The following FBXO4 variants were observed in gnomAD, a reference collection of about 807,000 sequenced individuals.
FBXO4 encodes the protein F-box protein 4, also known as F-box only protein 4.
Under a neutral mutation model 43.7 loss-of-function variants are expected in FBXO4, and 36 were observed. That is an observed-to-expected ratio of 0.82 (90% CI 0.63 to 1.09). The LOEUF is 1.09. FBXO4 is among the 50% of genes least tolerant of loss of function. The probability of loss-of-function intolerance (pLI) is 0.00; values close to 1 mark genes in which losing one functional copy is unlikely to be tolerated. For synonymous variants in FBXO4, 180 were observed against 165.6 expected (o/e 1.09, Z -0.67); for missense variants, 435 against 474.1 (o/e 0.92, Z 0.77).
chr5:41,960,001 T>A, the FBXO4 span, among the ~76,000 whole-genome samples: 1 of 152,030 alleles, frequency 6.6e-6, no homozygotes, highest in East Asian at 1.9e-4. Flanking sequence ...ACATGGGATA[T>A]CTTTTTATTT....
chr5:42,017,013 A>G, the FBXO4 span, among the ~76,000 whole-genome samples: 16 of 152,052 alleles, frequency 1.1e-4, no homozygotes, highest in Admixed American at 2.0e-4. Context: ...GTTTTAGATG[A>G]TATTAGTCTT....
the FBXO4 span, among the ~76,000 whole-genome samples, chr5:41,997,615 G>A: frequency 6.6e-6 from 1 of 152,214 alleles, no homozygotes; most frequent in South Asian, 2.1e-4. Flanking sequence ...TTGTAAGTTG[G>A]ACCTGAGCTA....
the FBXO4 span, among the ~76,000 whole-genome samples, chr5:42,013,453 T>A: frequency 6.6e-6 from 1 of 152,330 alleles, no homozygotes; most frequent in South Asian, 2.1e-4. Flanking sequence ...GCTAATATTT[T>A]TATCAAGTTA....
chr5:41,929,191 T>C (rs1353802510), intron 2 of FBXO4, among the ~76,000 whole-genome samples: 1 of 152,232 alleles, frequency 6.6e-6, no homozygotes, highest in Admixed American at 6.5e-5. Flanking sequence ...CTTGGCACTA[T>C]TGACATTTTG....
At chr5:42,005,241 A>G in the FBXO4 span, among the ~76,000 whole-genome samples, 1 of 152,154 alleles carries the variant, frequency 6.6e-6, no homozygotes, top group Non-Finnish European at 1.5e-5. Context: ...TAAGAAATTG[A>G]AACAGAGTTT....
At chr5:41,999,782 A>T in the FBXO4 span, among the ~76,000 whole-genome samples, 1 of 151,574 alleles carries the variant, frequency 6.6e-6, no homozygotes, top group Non-Finnish European at 1.5e-5. Flanking sequence ...TGCCTGCTTT[A>T]TATTAACTGG....
At chr5:41,938,426 GC>G (rs1751907620) in intron 5 of FBXO4, among the ~76,000 whole-genome samples, 1 of 152,104 alleles carries the variant, frequency 6.6e-6, no homozygotes, top group Non-Finnish European at 1.5e-5. Context: ...AAGAAGGTAG[GC>G]AAAGAGAGAA....
intron 3 of FBXO4, among the ~76,000 whole-genome samples, chr5:41,930,467 GTAGGTGAGGACA>G (rs1467181748): frequency 6.6e-6 from 1 of 152,186 alleles, no homozygotes; most frequent in Non-Finnish European, 1.5e-5. Flanking sequence ...CAAGATAGGT[GTAGGTGAGGACA>G]TAGACAAGTG....
chr5:42,008,648 C>T, the FBXO4 span, among the ~76,000 whole-genome samples: 780 of 152,174 alleles, frequency 5.1e-3, 9 homozygotes, highest in African/African-American at 0.018. Context: ...TTTTAATCCT[C>T]CTGTCCAGAA....
the FBXO4 span, among the ~76,000 whole-genome samples, chr5:41,999,494 C>CATATATATACGT: frequency 2.3e-3 from 204 of 86,834 alleles, 4 homozygotes; most frequent in African/African-American, 0.01. Context: ...TATATATATA[C>CATATATATACGT]ATATATATAT....
chr5:41,972,392 G>A, the FBXO4 span, among the ~76,000 whole-genome samples: 1 of 152,166 alleles, frequency 6.6e-6, no homozygotes, highest in Non-Finnish European at 1.5e-5. Flanking sequence ...GCTAACAAGG[G>A]AGGTGAAAGA....
At chr5:41,989,765 C>T in the FBXO4 span, among the ~76,000 whole-genome samples, 1 of 152,180 alleles carries the variant, frequency 6.6e-6, no homozygotes, top group African/African-American at 2.4e-5. Flanking sequence ...CCCCTATCAT[C>T]TGCTCCTTAT....
At chr5:41,955,411 A>C in the FBXO4 span, among the ~76,000 whole-genome samples, 8 of 152,198 alleles carry the variant, frequency 5.3e-5, no homozygotes, top group African/African-American at 1.9e-4. Flanking sequence ...CACATAAACA[A>C]CAAAAAAATG....
the FBXO4 span, among the ~76,000 whole-genome samples, chr5:41,964,414 TA>T: frequency 1.7e-3 from 259 of 151,062 alleles, 1 homozygote; most frequent in East Asian, 0.012. Flanking sequence ...TGTGTTTTAA[TA>T]AAAAAAAACC....
At chr5:41,956,729 TA>T in the FBXO4 span, among the ~76,000 whole-genome samples, 6 of 150,034 alleles carry the variant, frequency 4.0e-5, no homozygotes, top group African/African-American at 1.5e-4. Context: ...TTTTTTTTTT[TA>T]AAGATGGTAT....
At chr5:41,986,706 A>G in the FBXO4 span, among the ~76,000 whole-genome samples, 2 of 152,090 alleles carry the variant, frequency 1.3e-5, no homozygotes, top group African/African-American at 4.8e-5. Context: ...TAGCACAAAG[A>G]CCCCAAATTA....
the FBXO4 span, among the ~76,000 whole-genome samples, chr5:41,950,169 A>T: frequency 1.3e-5 from 2 of 152,308 alleles, no homozygotes; most frequent in South Asian, 4.1e-4. Context: ...AGACTTCATG[A>T]CGAAAACACC....
the FBXO4 span, among the ~76,000 whole-genome samples, chr5:42,010,365 G>C: frequency 0.011 from 1,664 of 152,082 alleles, 77 homozygotes; most frequent in Admixed American, 0.074. Flanking sequence ...AAACTTAGCC[G>C]GGCATGGTAG....
the FBXO4 span, among the ~76,000 whole-genome samples, chr5:41,968,695 T>C: frequency 6.6e-6 from 1 of 152,112 alleles, no homozygotes; most frequent in East Asian, 1.9e-4. Flanking sequence ...TCTGACTTGG[T>C]ACCTAAGTAT....
Sources: gnomAD v4.1 joint callset for allele counts (sites outside exome capture counted in the v4.1 genomes callset) on GRCh38, gnomAD v4.1.1 for gene constraint, MANE v1.5 for transcripts, NCBI Gene and HGNC (gene_info 2026-07-23, HGNC 2026-07-21) for gene names.